Variants in DPP6 observed in about 807,000 individuals in gnomAD.
DPP6 encodes dipeptidyl peptidase like 6, also known as A-type potassium channel modulatory protein DPP6.
Under a neutral mutation model 122.6 loss-of-function variants are expected in DPP6, and 69 were observed. The ratio of observed to expected loss-of-function variants is 0.56; its 90% CI spans 0.46 to 0.69. The LOEUF is 0.69. Ranked by LOEUF, DPP6 falls within the 30% of genes least tolerant of loss-of-function variation. The pLI is 0.00. For synonymous variants in DPP6, 418 were observed against 433.1 expected (o/e 0.97, Z 0.43); for missense variants, 928 against 1,116.9 (o/e 0.83, Z 2.41).
chr7:153,942,607 G>A (rs1336189802), intron 1 of DPP6, among the ~76,000 whole-genome samples: 1 of 152,230 alleles, frequency 6.6e-6, no homozygotes, highest in African/African-American at 2.4e-5. Flanking sequence ...AACTAAAAAT[G>A]TAATGTCAGG....
In DPP6 at chr7:154,824,560, G is replaced by A. The variant is rs546902305; in HGVS notation, c.1666+17448G>A. Among the ~76,000 whole-genome samples, 5 of 152,280 alleles carry A rather than the reference G, an allele frequency of 3.3e-5. No individual in the cohort carries two copies. In the South Asian group the frequency reaches 1.0e-3, roughly 32 times the overall value. ...TCCCAGAGTGCTGGGATTACAGGTG[G>A]GAGCCACCGTGCCCATCCAGGAATG... On this transcript the variant is annotated intron_variant, in intron 16 of 25. Transcript: ENST00000377770.
intron 1 of DPP6, among the ~76,000 whole-genome samples, chr7:153,987,967 G>A (rs1283579440): frequency 6.6e-6 from 1 of 152,122 alleles, no homozygotes; most frequent in Non-Finnish European, 1.5e-5. Context: ...CAGAGTCAGG[G>A]GGAAGACAGC....
chr7:154,249,090 G>C (rs1802183292), intron 1 of DPP6, among the ~76,000 whole-genome samples: 1 of 152,208 alleles, frequency 6.6e-6, no homozygotes. Context: ...TACGGGTGTT[G>C]AAAACTCACG....
chr7:154,459,466 G>A (rs1352379040), intron 2 of DPP6, among the ~76,000 whole-genome samples: 1 of 152,158 alleles, frequency 6.6e-6, no homozygotes, highest in African/African-American at 2.4e-5. Context: ...ATGAGTATAT[G>A]TTTATGATCA....
intron 3 of DPP6, among the ~76,000 whole-genome samples, chr7:154,521,645 T>G (rs1826990286): frequency 6.6e-6 from 1 of 152,256 alleles, no homozygotes; most frequent in South Asian, 2.1e-4. Flanking sequence ...ATCTTTGAAA[T>G]GTAGCTACTT....
intron 1 of DPP6, among the ~76,000 whole-genome samples, chr7:154,089,199 C>G (rs150885169): frequency 0.39 from 59,251 of 151,240 alleles, 12,012 homozygotes; most frequent in South Asian, 0.5. Flanking sequence ...GGTTTTAGCT[C>G]AATGCAAGTC....
chr7:154,055,553 C>T (rs1800757966), intron 1 of DPP6: 1 of 151,322 alleles, frequency 6.6e-6, no homozygotes, highest in Non-Finnish European at 1.5e-5. Context: ...ATTTTGCTAC[C>T]CAAATTTAAA....
chr7:154,183,325 CT>C (rs1262503118), intron 1 of DPP6, among the ~76,000 whole-genome samples: 39 of 152,188 alleles, frequency 2.6e-4, no homozygotes. Flanking sequence ...ACAATCAGAA[CT>C]TCTTTTAAAG....
the DPP6 span, among the ~76,000 whole-genome samples, chr7:153,754,183 T>TA: frequency 1.1e-4 from 16 of 152,174 alleles, no homozygotes; most frequent in African/African-American, 3.8e-4. Context: ...TTTAGGACAT[T>TA]AAAAAAAAGG....
In DPP6 at chr7:154,833,932, G is replaced by A. The variant is rs1021788214; in HGVS notation, c.1667-19848G>A. 6.6e-6 allele frequency among the ~76,000 whole-genome samples: 1 copy of A among 152,182 alleles called. No individual in the cohort carries two copies. The highest frequency in any genetic ancestry group is 1.5e-5 in the Non-Finnish European group (1 of 68,030). On this transcript the variant is annotated intron_variant, in intron 16 of 25. Transcript: ENST00000377770. This position sits in a 1 kb window ranked among gnomAD's most constrained non-coding sequence, Gnocchi z 4.3. ...TGGGCTAGGCCTGGATGGTCCCGGG[G>A]CTGCACGGATGTAGCTCATCTTCAC... is the stretch of plus-strand genomic sequence containing the variant.
intron 1 of DPP6, among the ~76,000 whole-genome samples, chr7:154,337,024 G>A (rs1055536333): frequency 1.3e-5 from 2 of 152,328 alleles, no homozygotes; most frequent in African/African-American, 4.8e-5. Context: ...CGAGCAGCTA[G>A]GGTAGAAAAG....
chr7:153,826,214 A>G, the DPP6 span, among the ~76,000 whole-genome samples: 1 of 152,144 alleles, frequency 6.6e-6, no homozygotes, highest in Non-Finnish European at 1.5e-5. Context: ...AGATGGGGAA[A>G]TGGATGTAGG....
intron 8 of DPP6, among the ~76,000 whole-genome samples, chr7:154,748,167 C>T (rs565141578): frequency 1.2e-4 from 19 of 152,296 alleles, no homozygotes; most frequent in Admixed American, 6.5e-5. Flanking sequence ...AGAGGGGCCA[C>T]AGAAAAGGGT....
intron 1 of DPP6, among the ~76,000 whole-genome samples, chr7:154,429,605 A>G (rs1332353592): frequency 6.6e-6 from 1 of 152,228 alleles, no homozygotes; most frequent in African/African-American, 2.4e-5. Context: ...CAGCTGTGTG[A>G]CAACACAAAC....
At chr7:154,687,978 G>A (rs1361683586) in intron 7 of DPP6, among the ~76,000 whole-genome samples, 2 of 152,176 alleles carry the variant, frequency 1.3e-5, no homozygotes, top group African/African-American at 4.8e-5. Flanking sequence ...AAACTTCTGT[G>A]TATGGGTGGA....
chr7:154,313,751 A>ACACACACACACACACACC (rs147976247), intron 1 of DPP6, among the ~76,000 whole-genome samples: 3 of 45,262 alleles, frequency 6.6e-5, no homozygotes, highest in Non-Finnish European at 1.6e-4. Flanking sequence ...ACACACACAC[A>ACACACACACACACACACC]CCCTTACATA....
intron 1 of DPP6, among the ~76,000 whole-genome samples, chr7:154,388,948 T>C (rs1814365040): frequency 6.6e-6 from 1 of 152,228 alleles, no homozygotes; most frequent in African/African-American, 2.4e-5. Flanking sequence ...ATATACTTGC[T>C]ACTACAAATG....
At chr7:154,211,108 G>C (rs1483564009) in intron 1 of DPP6, among the ~76,000 whole-genome samples, 1 of 152,170 alleles carries the variant, frequency 6.6e-6, no homozygotes, top group Admixed American at 6.6e-5. Flanking sequence ...CTCTGTTAGT[G>C]CTTCCTCTTA....
chr7:153,817,202 A>G, the DPP6 span, among the ~76,000 whole-genome samples: 120 of 148,852 alleles, frequency 8.1e-4, no homozygotes, highest in African/African-American at 2.9e-3. Flanking sequence ...GGGTGTATAT[A>G]GCAGGGAAGG....
Sources: gnomAD v4.1 joint callset for allele counts (sites outside exome capture counted in the v4.1 genomes callset) on GRCh38, gnomAD v4.1.1 for gene constraint, Gnocchi (gnomAD v3.1) non-coding constraint, MANE v1.5 for transcripts, NCBI Gene and HGNC (gene_info 2026-07-23, HGNC 2026-07-21) for gene names.